The following RBFOX1 variants were observed in gnomAD, a reference collection of about 807,000 sequenced individuals.
RBFOX1 encodes RNA binding fox-1 homolog 1, also known as RNA binding protein fox-1 homolog 1.
RBFOX1 carries 8 observed loss-of-function variants against 57.7 expected under a neutral mutation model. The observed-to-expected ratio is 0.14, with a 90% CI of 0.08 to 0.25. RBFOX1 has a LOEUF of 0.25. Among genes scored for constraint, RBFOX1 ranks in the 10% least tolerant of loss-of-function variants. The pLI is 1.00. For synonymous variants in RBFOX1, 326 were observed against 222.4 expected, an observed-to-expected ratio of 1.47 and a Z score of -4.15; for missense variants, 611 against 548.5, an observed-to-expected ratio of 1.11 and a Z score of -1.14.
intron 3 of RBFOX1, among the ~76,000 whole-genome samples, chr16:6,935,988 T>C (rs1259800474): frequency 2.0e-5 from 3 of 152,178 alleles, no homozygotes; most frequent in Non-Finnish European, 4.4e-5. Context: ...TGATTGCATA[T>C]CTGGGGGCTA....
intron 3 of RBFOX1, among the ~76,000 whole-genome samples, chr16:6,932,465 A>C (rs550094561): frequency 6.6e-6 from 1 of 152,200 alleles, no homozygotes; most frequent in East Asian, 1.9e-4. Flanking sequence ...TTACATTTCA[A>C]CCTTGGAGGA....
intron 2 of RBFOX1, among the ~76,000 whole-genome samples, chr16:6,554,749 C>CAG (rs2097062829): frequency 1.3e-5 from 2 of 149,602 alleles, no homozygotes; most frequent in African/African-American, 2.5e-5. Context: ...CACACACACA[C>CAG]ACACACACAG....
intron 1 of RBFOX1, among the ~76,000 whole-genome samples, chr16:6,044,851 C>T (rs566516813): frequency 6.6e-6 from 1 of 152,210 alleles, no homozygotes; most frequent in African/African-American, 2.4e-5. Flanking sequence ...ATTGTTCCCT[C>T]ATGTTTCTGT....
At chr16:7,189,623 G>A (rs1308631388) in intron 4 of RBFOX1, among the ~76,000 whole-genome samples, 2 of 149,158 alleles carry the variant, frequency 1.3e-5, no homozygotes, top group African/African-American at 5.0e-5. Context: ...GCCACTCTAT[G>A]CAGCATAATT....
intron 1 of RBFOX1, among the ~76,000 whole-genome samples, chr16:5,300,698 T>G (rs1255909397): frequency 2.6e-5 from 4 of 152,234 alleles, no homozygotes; most frequent in Non-Finnish European, 5.9e-5. Context: ...GTAAAACTTT[T>G]CATATTTTCT....
intron 2 of RBFOX1, among the ~76,000 whole-genome samples, chr16:5,539,274 T>C (rs1452754738): frequency 6.6e-6 from 1 of 152,110 alleles, no homozygotes; most frequent in Non-Finnish European, 1.5e-5. Context: ...GTGTCCCTAC[T>C]CATTTGTTTT....
At chr16:6,426,146 CTCTTTCTG>C (rs928628736) in intron 2 of RBFOX1, among the ~76,000 whole-genome samples, 11 of 152,118 alleles carry the variant, frequency 7.2e-5, no homozygotes, top group African/African-American at 2.4e-4. Context: ...CTCTCTGTCT[CTCTTTCTG>C]TCTTTCCCTC....
At chr16:7,411,740 T>C (rs2098427245) in intron 4 of RBFOX1, among the ~76,000 whole-genome samples, 1 of 151,668 alleles carries the variant, frequency 6.6e-6, no homozygotes, top group Non-Finnish European at 1.5e-5. Flanking sequence ...CCCGTCTCTA[T>C]TAAAATGCAA....
intron 4 of RBFOX1, among the ~76,000 whole-genome samples, chr16:7,240,116 G>A (rs371533404): frequency 2.6e-4 from 40 of 152,130 alleles, no homozygotes; most frequent in East Asian, 1.2e-3. Context: ...ACGGGCACCC[G>A]CCACCACGCC....
chr16:5,541,080 C>A (rs2044928352), intron 2 of RBFOX1, among the ~76,000 whole-genome samples: 1 of 152,022 alleles, frequency 6.6e-6, no homozygotes. Context: ...GAACCCCTGG[C>A]CTCAAGTGAT....
intron 11 of RBFOX1, among the ~76,000 whole-genome samples, chr16:7,634,000 C>A (rs145768550): frequency 6.6e-6 from 1 of 152,150 alleles, no homozygotes; most frequent in Non-Finnish European, 1.5e-5. Context: ...CAGGCCTGTG[C>A]GCACACACAC....
chr16:6,033,614 G>A (rs922467247), intron 1 of RBFOX1, among the ~76,000 whole-genome samples: 3 of 152,198 alleles, frequency 2.0e-5, no homozygotes, highest in African/African-American at 4.8e-5. Context: ...GCACACGCAC[G>A]TGTATTTTTT....
intron 1 of RBFOX1, among the ~76,000 whole-genome samples, chr16:6,079,326 T>C (rs1028779514): frequency 4.0e-5 from 6 of 151,766 alleles, no homozygotes. Context: ...ATAAAATAAA[T>C]AGGGAGATAG....
chr16:6,522,458 A>G (rs1251380477), intron 2 of RBFOX1, among the ~76,000 whole-genome samples: 3 of 152,168 alleles, frequency 2.0e-5, no homozygotes, highest in African/African-American at 7.2e-5. Flanking sequence ...ATATTTATGA[A>G]GACATCAACT....
At chr16:7,310,997 T>C (rs971763671) in intron 4 of RBFOX1, among the ~76,000 whole-genome samples, 1 of 152,236 alleles carries the variant, frequency 6.6e-6, no homozygotes, top group African/African-American at 2.4e-5. Flanking sequence ...TCCTCTGCCG[T>C]GTCCGGTCTG....
At chr16:6,952,925 A>T (rs1033857494) in intron 3 of RBFOX1, among the ~76,000 whole-genome samples, 1 of 152,042 alleles carries the variant, frequency 6.6e-6, no homozygotes, top group African/African-American at 2.4e-5. Context: ...CAGTGAGCCT[A>T]TTGCCCCATT....
intron 1 of RBFOX1, among the ~76,000 whole-genome samples, chr16:5,275,846 C>T (rs923646316): frequency 6.6e-6 from 1 of 152,126 alleles, no homozygotes; most frequent in African/African-American, 2.4e-5. Flanking sequence ...GGCACATGAC[C>T]AATGGAACAG....
chr16:7,555,443 T>C (rs2088059534), intron 5 of RBFOX1, among the ~76,000 whole-genome samples: 1 of 152,228 alleles, frequency 6.6e-6, no homozygotes, highest in Non-Finnish European at 1.5e-5. Flanking sequence ...GATGTTAGTG[T>C]TAGAGGAAGC....
chr16:7,543,186 A>C (rs1233883470), intron 5 of RBFOX1, among the ~76,000 whole-genome samples: 1 of 152,182 alleles, frequency 6.6e-6, no homozygotes, highest in Non-Finnish European at 1.5e-5. Flanking sequence ...TGAGCTACTG[A>C]ATCAAAGCCT....
Sources: gnomAD v4.1 joint callset for allele counts (sites outside exome capture counted in the v4.1 genomes callset) on GRCh38, gnomAD v4.1.1 for gene constraint, MANE v1.5 for transcripts, NCBI Gene and HGNC (gene_info 2026-07-23, HGNC 2026-07-21) for gene names.